Variants in NPLOC4 observed in about 807,000 individuals in gnomAD.
NPLOC4 encodes nuclear protein localization protein 4 homolog.
In NPLOC4, 18 loss-of-function variants were observed where a neutral mutation model predicts 80.6. The ratio of observed to expected loss-of-function variants is 0.22; its 90% CI spans 0.15 to 0.33. The LOEUF (loss-of-function observed/expected upper bound fraction) is 0.33, where lower values mean the gene tolerates loss of function less well. Ranked by LOEUF, NPLOC4 falls within the 10% of genes least tolerant of loss-of-function variation. NPLOC4 has a pLI of 1.00. For synonymous variants in NPLOC4, 313 were observed against 301.5 expected (o/e 1.04, Z -0.39); for missense variants, 540 against 786.1 (o/e 0.69, Z 3.74).
At chr17:81,622,704 C>T (rs2035700242) in intron 2 of NPLOC4, among the ~76,000 whole-genome samples, 1 of 152,050 alleles carries the variant, frequency 6.6e-6, no homozygotes, top group African/African-American at 2.4e-5. Flanking sequence ...GCGCCTGCCA[C>T]CACACCCGGC....
At chr17:81,605,856 C>T (rs2144222564) in intron 7 of NPLOC4, among the ~76,000 whole-genome samples, 1 of 149,408 alleles carries the variant, frequency 6.7e-6, no homozygotes, top group South Asian at 2.1e-4. Context: ...GAGTCTCGCT[C>T]TGTCACCCAG....
At chr17:81,574,816 C>A (rs1232133456) in intron 12 of NPLOC4, among the ~76,000 whole-genome samples, 2 of 152,010 alleles carry the variant, frequency 1.3e-5, no homozygotes, top group Non-Finnish European at 2.9e-5. Context: ...GAGTTTGAGA[C>A]CAGACTGGAC....
intron 4 of NPLOC4, chr17:81,613,107 G>A: frequency 4.2e-6 from 2 of 476,528 alleles, no homozygotes; most frequent in South Asian, 3.5e-5. Flanking sequence ...CATATTTTGA[G>A]GTGGAAACTG....
chr17:81,615,692 C>T (rs2035464170), intron 3 of NPLOC4, among the ~76,000 whole-genome samples: 1 of 152,218 alleles, frequency 6.6e-6, no homozygotes, highest in Non-Finnish European at 1.5e-5. Context: ...AGAACTTGGG[C>T]TTCCCTGCCC....
chr17:81,567,767 C>T lies in NPLOC4; in HGVS notation c.1450-234G>A, dbSNP rs1331753607. Among the ~76,000 whole-genome samples, 1 of 152,156 alleles carries T rather than the reference C, an allele frequency of 6.6e-6. No individual in the cohort carries two copies. ...CAGCACACCTGACTACCCAGATGTG[C>T]AAGGAGACATGCTTATAAAGCTGAC... On this transcript the variant is annotated intron_variant, in intron 14 of 16. Coordinates refer to ENST00000331134, the MANE Select transcript of NPLOC4 (RefSeq NM_017921.4). The surrounding 1 kb of genome is among the most constrained non-coding windows in gnomAD (Gnocchi z 4.5).
intron 16 of NPLOC4, among the ~76,000 whole-genome samples, chr17:81,561,071 C>T (rs1271565887): frequency 6.6e-6 from 1 of 152,114 alleles, no homozygotes; most frequent in Non-Finnish European, 1.5e-5. Context: ...GATTCTCCTA[C>T]CTCAGCCTCC....
intron 16 of NPLOC4, among the ~76,000 whole-genome samples, chr17:81,559,619 AG>A (rs761012760): frequency 5.9e-5 from 9 of 151,900 alleles, no homozygotes; most frequent in Non-Finnish European, 1.2e-4. Context: ...CCTGCACCAC[AG>A]GGAGTAACAG....
chr17:81,570,495 G>A (rs1426040773), intron 13 of NPLOC4, among the ~76,000 whole-genome samples: 1 of 152,212 alleles, frequency 6.6e-6, no homozygotes, highest in Non-Finnish European at 1.5e-5. Flanking sequence ...TGAGCTAGTG[G>A]GACTGACGGG....
chr17:81,625,684 T>C (rs1225174512), intron 2 of NPLOC4, among the ~76,000 whole-genome samples: 1 of 151,618 alleles, frequency 6.6e-6, no homozygotes, highest in African/African-American at 2.4e-5. Context: ...TGAGATATGA[T>C]CACACCACTG....
intron 15 of NPLOC4, 51 bp from the exon 16 acceptor site, chr17:81,565,658 G>GGAAGCTGCTCAC: frequency 7.3e-7 from 1 of 1,368,594 alleles, no homozygotes; most frequent in Non-Finnish European, 9.9e-7. Flanking sequence ...AAGGTGAGCA[G>GGAAGCTGCTCAC]CTTCCTGCTA....
intron 14 of NPLOC4, 105 bp downstream of exon 14, chr17:81,568,911 A>G: frequency 2.6e-6 from 2 of 778,674 alleles, no homozygotes; most frequent in Non-Finnish European, 4.3e-6. Context: ...CACAAGAATG[A>G]ATCGGGAGCA....
intron 1 of NPLOC4, among the ~76,000 whole-genome samples, chr17:81,630,211 C>T (rs1258323492): frequency 1.3e-5 from 2 of 150,816 alleles, no homozygotes; most frequent in African/African-American, 4.9e-5. Context: ...TACTTTGTTC[C>T]AGGATCTATA....
rs573241661 is a variant in NPLOC4, at chr17:81,628,268, G to A, written c.96+1457C>T. ...AAATATATCCTTCATGGCTGGGCACGGTGGCTCACACTGAAGCGGGTGGAT... is the reference window on the plus strand; with the variant it reads ...AAATATATCCTTCATGGCTGGGCACAGTGGCTCACACTGAAGCGGGTGGAT... On this transcript the variant is annotated intron_variant, in intron 2 of 16. Transcript: ENST00000331134. 7.9e-5 allele frequency among the ~76,000 whole-genome samples: 12 copies of A among 150,962 alleles called. No homozygotes were observed. The East Asian group carries it at 9.7e-4, about 12-fold the overall frequency.
At chr17:81,623,324 C>T (rs2144303940) in intron 2 of NPLOC4, among the ~76,000 whole-genome samples, 1 of 151,792 alleles carries the variant, frequency 6.6e-6, no homozygotes, top group Non-Finnish European at 1.5e-5. Context: ...AAAAATTAGC[C>T]AGGCATGGTG....
At chr17:81,600,275 C>T (rs1018581912) in intron 9 of NPLOC4, 66 bp downstream of exon 9, 189 of 1,172,414 alleles carry the variant, frequency 1.6e-4, no homozygotes, top group Non-Finnish European at 2.1e-4. Flanking sequence ...CTCCCAACTC[C>T]CCCTGGCCTG....
intron 16 of NPLOC4, chr17:81,562,365 C>G (rs961985287): frequency 6.6e-6 from 1 of 152,154 alleles, no homozygotes; most frequent in African/African-American, 2.4e-5. Context: ...ATGGAGAAAC[C>G]CTGTCTCTAC....
chr17:81,587,594 C>T (rs1175873553), intron 12 of NPLOC4, among the ~76,000 whole-genome samples: 44 of 129,810 alleles, frequency 3.4e-4, no homozygotes, highest in Non-Finnish European at 3.4e-4. Context: ...GGATTACAGG[C>T]GTGAGCCACT....
At chr17:81,599,250 C>T (rs898987376) in intron 9 of NPLOC4, among the ~76,000 whole-genome samples, 2 of 151,534 alleles carry the variant, frequency 1.3e-5, no homozygotes, top group Non-Finnish European at 2.9e-5. Flanking sequence ...GATCGTGCCA[C>T]TGCACTCCAG....
chr17:81,618,745 A>G (rs112144740), intron 3 of NPLOC4, among the ~76,000 whole-genome samples: 91,772 of 149,718 alleles, frequency 0.61, 30,100 homozygotes, highest in East Asian at 0.99. Flanking sequence ...TGACAATGGC[A>G]GTTTTGTGGA....
Sources: gnomAD v4.1 joint callset for allele counts (sites outside exome capture counted in the v4.1 genomes callset) on GRCh38, gnomAD v4.1.1 for gene constraint, Gnocchi (gnomAD v3.1) non-coding constraint, MANE v1.5 for transcripts, NCBI Gene and HGNC (gene_info 2026-07-23, HGNC 2026-07-21) for gene names.